The following ROR1 variants were observed in gnomAD, a reference collection of about 807,000 sequenced individuals.
ROR1 encodes inactive tyrosine-protein kinase transmembrane receptor ROR1.
Under a neutral mutation model 78.8 loss-of-function variants are expected in ROR1, and 19 were observed. The ratio of observed to expected loss-of-function variants is 0.24; its 90% CI spans 0.17 to 0.35. ROR1 has a LOEUF of 0.35. ROR1 is among the 10% of genes least tolerant of loss of function. The pLI is 1.00. For missense variants in ROR1, 917 were observed against 1,177.8 expected (o/e 0.78, Z 3.24); for synonymous variants, 386 against 433.6 (o/e 0.89, Z 1.36).
intron 1 of ROR1, among the ~76,000 whole-genome samples, chr1:64,002,443 C>T (rs1482108928): frequency 3.3e-5 from 5 of 152,072 alleles, no homozygotes; most frequent in South Asian, 4.2e-4. Context: ...CTTTTTCATC[C>T]GAGTTCTTAC....
intron 4 of ROR1, among the ~76,000 whole-genome samples, chr1:64,067,901 A>G (rs1267390873): frequency 6.6e-6 from 1 of 151,768 alleles, no homozygotes; most frequent in African/African-American, 2.4e-5. Flanking sequence ...TTTAGTAGAG[A>G]CGGGGTTTCA....
At chr1:64,126,054 C>G (rs1210685046) in intron 4 of ROR1, among the ~76,000 whole-genome samples, 1 of 152,102 alleles carries the variant, frequency 6.6e-6, no homozygotes, top group African/African-American at 2.4e-5. Context: ...ATGAACTAAT[C>G]TGAAAGTTTC....
intron 4 of ROR1, among the ~76,000 whole-genome samples, chr1:64,081,785 C>T (rs111923990): frequency 0.15 from 18,210 of 122,104 alleles, 1,567 homozygotes; most frequent in African/African-American, 0.29. Flanking sequence ...AAAAAAAAAG[C>T]GGCAAAATAT....
intron 1 of ROR1, among the ~76,000 whole-genome samples, chr1:63,798,197 C>A (rs1356733856): frequency 6.6e-6 from 1 of 152,178 alleles, no homozygotes; most frequent in Non-Finnish European, 1.5e-5. Flanking sequence ...AGAATCAGAG[C>A]CAGCTTCATA....
intron 4 of ROR1, among the ~76,000 whole-genome samples, chr1:64,085,559 G>A (rs367549772): frequency 2.6e-5 from 4 of 152,080 alleles, no homozygotes; most frequent in African/African-American, 9.7e-5. Context: ...TTAAAAAGGG[G>A]AATAAATCTC....
intron 4 of ROR1, among the ~76,000 whole-genome samples, chr1:64,074,832 C>T (rs915193700): frequency 1.3e-5 from 2 of 152,206 alleles, no homozygotes; most frequent in Non-Finnish European, 2.9e-5. Flanking sequence ...GTTACTTAAC[C>T]TCCAAATCTC....
At chr1:63,968,150 T>C (rs948730736) in intron 1 of ROR1, among the ~76,000 whole-genome samples, 2 of 152,160 alleles carry the variant, frequency 1.3e-5, no homozygotes, top group African/African-American at 2.4e-5. Context: ...CCGAAGCTAG[T>C]CATCCACTTT....
chr1:63,790,731 C>T (rs1222070833), intron 1 of ROR1, among the ~76,000 whole-genome samples: 1 of 152,142 alleles, frequency 6.6e-6, no homozygotes, highest in Non-Finnish European at 1.5e-5. Flanking sequence ...CCTTTTTCTC[C>T]CTCCCTGTTG....
At chr1:63,859,047 C>G (rs1569828078) in intron 1 of ROR1, among the ~76,000 whole-genome samples, 1 of 152,114 alleles carries the variant, frequency 6.6e-6, no homozygotes, top group East Asian at 1.9e-4. Context: ...CAAACTGCCC[C>G]TTCTGTTGTG....
intron 2 of ROR1, among the ~76,000 whole-genome samples, chr1:64,024,339 G>T (rs1400970776): frequency 6.6e-6 from 1 of 151,958 alleles, no homozygotes; most frequent in African/African-American, 2.4e-5. Context: ...AAATTAGTAG[G>T]GCATGGTGGC....
intron 7 of ROR1, among the ~76,000 whole-genome samples, chr1:64,149,542 G>A (rs553724965): frequency 6.6e-6 from 1 of 152,184 alleles, no homozygotes; most frequent in Admixed American, 6.5e-5. Flanking sequence ...CTTAGATGCA[G>A]CCCTGATATA....
intron 1 of ROR1, among the ~76,000 whole-genome samples, chr1:63,913,730 G>C (rs1645588695): frequency 6.6e-6 from 1 of 152,126 alleles, no homozygotes; most frequent in South Asian, 2.1e-4. Context: ...GGCTGCTCTA[G>C]AGCCCTCCAT....
At chr1:63,914,564 A>C (rs1319528464) in intron 1 of ROR1, among the ~76,000 whole-genome samples, 1 of 152,182 alleles carries the variant, frequency 6.6e-6, no homozygotes, top group Non-Finnish European at 1.5e-5. Flanking sequence ...TAGGAAGAAG[A>C]CAGTTCAAAT....
intron 1 of ROR1, among the ~76,000 whole-genome samples, chr1:63,936,961 T>C (rs554723741): frequency 3.9e-5 from 6 of 152,334 alleles, no homozygotes; most frequent in African/African-American, 1.4e-4. Flanking sequence ...TAGACAACTT[T>C]ATCTCATCAA....
intron 5 of ROR1, 123 bp from the exon 6 acceptor site, chr1:64,139,986 C>A: frequency 2.3e-6 from 2 of 859,240 alleles, no homozygotes; most frequent in Non-Finnish European, 1.8e-6. Flanking sequence ...CTTCTCTGGG[C>A]CTTGTCTGTT....
intron 4 of ROR1, 29 bp from the exon 5 acceptor site, chr1:64,137,340 A>G (rs751993176): frequency 6.2e-7 from 1 of 1,612,986 alleles, no homozygotes; most frequent in East Asian, 2.2e-5. Context: ...GTGGTGCATC[A>G]GCTAATGTCT....
intron 2 of ROR1, among the ~76,000 whole-genome samples, chr1:64,009,738 G>C (rs769184521): frequency 6.6e-6 from 1 of 152,152 alleles, no homozygotes; most frequent in Non-Finnish European, 1.5e-5. Context: ...TGTTTGCTCG[G>C]TGACCTTTCA....
intron 1 of ROR1, among the ~76,000 whole-genome samples, chr1:63,973,629 G>T (rs893923770): frequency 6.6e-6 from 1 of 152,038 alleles, no homozygotes; most frequent in East Asian, 1.9e-4. Flanking sequence ...TGGGACACAG[G>T]GTGGCTCAAA....
intron 6 of ROR1, 98 bp downstream of exon 6, chr1:64,140,524 T>G (rs1649276290): frequency 9.0e-7 from 1 of 1,109,198 alleles, no homozygotes; most frequent in East Asian, 2.5e-5. Context: ...TTTCATACTG[T>G]TAATCAAATT....
Sources: allele counts gnomAD v4.1 joint callset (sites outside exome capture counted in the v4.1 genomes callset), GRCh38; gene constraint gnomAD v4.1.1; transcripts MANE v1.5; gene names NCBI Gene and HGNC (gene_info 2026-07-23, HGNC 2026-07-21).